Variants in TBC1D32 observed in about 807,000 individuals in gnomAD.
The protein encoded by TBC1D32 is protein broad-minded.
A neutral mutation model predicts 170.3 loss-of-function variants in TBC1D32; 151 were observed. That is an observed-to-expected ratio of 0.89 (90% CI 0.78 to 1.01). The LOEUF is 1.01. Ranked by LOEUF, TBC1D32 falls within the 50% of genes least tolerant of loss-of-function variation. The probability of loss-of-function intolerance (pLI) is 0.00; values close to 1 mark genes in which losing one functional copy is unlikely to be tolerated. For missense variants in TBC1D32, 1,464 were observed against 1,457.1 expected (o/e 1.00, Z -0.08); for synonymous variants, 498 against 488.0 (o/e 1.02, Z -0.27).
chr6:121,158,880 T>C lies in TBC1D32; in HGVS notation c.2773+1130A>G, dbSNP rs1434712533. 2.0e-5 allele frequency among the ~76,000 whole-genome samples: 3 copies of C among 152,178 alleles called. No homozygotes were observed. In the East Asian group the frequency reaches 5.8e-4, roughly 29 times the overall value. The stretch of plus-strand genomic sequence containing the variant: ...TAGCCTAAAAATTCTGTTTGAATTT[T>C]AGTGGCTCATAAGATAATGTCTAAA... On this transcript the variant is annotated intron_variant, in intron 24 of 31. Transcript: ENST00000398212.
At chr6:121,258,979 T>TA (rs201878489) in intron 15 of TBC1D32, among the ~76,000 whole-genome samples, 6,487 of 144,882 alleles carry the variant, frequency 0.045, 145 homozygotes, top group Middle Eastern at 0.058. Flanking sequence ...TCTTTAATAT[T>TA]AAAAAAAAAA....
chr6:121,087,869 A>T lies in TBC1D32; in HGVS notation c.3654+2984T>A, dbSNP rs146524747. On this transcript the variant is annotated intron_variant, in intron 31 of 31. Transcript: ENST00000398212. ...TCTTCTTGGAAGCAATCATTATTAA[A>T]TATGTAGAGCGAGGGGATAATGTGA... is the stretch of plus-strand genomic sequence containing the variant. 1.2e-4 allele frequency among the ~76,000 whole-genome samples: 19 copies of T among 152,222 alleles called. No homozygotes were observed. In the East Asian group the frequency reaches 3.7e-3, roughly 29 times the overall value.
rs146542515 is a variant in TBC1D32 at position 121,178,419 on chromosome 6, A to T, written c.2571-17363T>A. ...TGATTTGTATTTTAATGGGATCACT[A>T]CAGCTGCTATGCACGTAATAGGCTA... On this transcript the variant is annotated intron_variant, in intron 22 of 31. Transcript: ENST00000398212. 1.1e-4 allele frequency among the ~76,000 whole-genome samples: 16 copies of T among 152,268 alleles called. No individual in the cohort carries two copies. The East Asian group carries it at 2.9e-3, about 28-fold the overall frequency.
At chr6:121,172,771 C>A (rs1787226675) in intron 22 of TBC1D32, among the ~76,000 whole-genome samples, 1 of 152,094 alleles carries the variant, frequency 6.6e-6, no homozygotes, top group Non-Finnish European at 1.5e-5. Context: ...TTCCTTTCTC[C>A]TTTATCATGT....
chr6:121,093,381 C>T (rs1777042480), intron 30 of TBC1D32, among the ~76,000 whole-genome samples: 1 of 152,102 alleles, frequency 6.6e-6, no homozygotes, highest in African/African-American at 2.4e-5. Flanking sequence ...TGCCTGTTGC[C>T]CTGCTGCCAA....
At position 121,243,820 on chromosome 6, in the gene TBC1D32, C is replaced by A. The variant is rs1356305377; in HGVS notation, c.2019-1481G>T. On this transcript the variant is annotated intron_variant, in intron 17 of 31. Coordinates refer to ENST00000398212, the MANE Select transcript of TBC1D32 (RefSeq NM_152730.6). ...AGACCAAAAAAAAAACACAGACGCA[C>A]TTCCAATATTTAATGAATTAAGGAG... 2.0e-5 allele frequency among the ~76,000 whole-genome samples: 3 copies of A among 151,094 alleles called. No homozygotes were observed. In the South Asian group the frequency reaches 6.3e-4, roughly 32 times the overall value.
At chr6:121,154,425 T>C (rs1220272208) in intron 24 of TBC1D32, among the ~76,000 whole-genome samples, 1 of 152,250 alleles carries the variant, frequency 6.6e-6, no homozygotes, top group Non-Finnish European at 1.5e-5. Context: ...GGACTGGAGC[T>C]GTTCCTATTA....
At chr6:121,131,811 T>C (rs1781472893) in intron 24 of TBC1D32, 59 bp from the exon 25 acceptor site, 1 of 1,380,018 alleles carries the variant, frequency 7.2e-7, no homozygotes, top group African/African-American at 1.4e-5. Flanking sequence ...TGAAAAATTA[T>C]TAATGTTAAC....
chr6:121,226,259 A>G (rs531821095), intron 20 of TBC1D32, among the ~76,000 whole-genome samples: 1 of 152,264 alleles, frequency 6.6e-6, no homozygotes, highest in South Asian at 2.1e-4. Flanking sequence ...ACACTATTAA[A>G]TCACTTACAA....
intron 30 of TBC1D32, among the ~76,000 whole-genome samples, chr6:121,102,634 C>T (rs1192501906): frequency 2.0e-5 from 3 of 152,052 alleles, no homozygotes; most frequent in Non-Finnish European, 4.4e-5. Flanking sequence ...ACCATAAAAA[C>T]CCTGGAAGAA....
rs143003644 is a variant in TBC1D32 at position 121,111,280 on chromosome 6, T to C, written c.3324+1225A>G. ...TTTACAAAATTATGGTTCAATATGA[T>C]TCACTGGTGATGTTTAGATGGTGTC... On this transcript the variant is annotated intron_variant, in intron 29 of 31. Coordinates refer to ENST00000398212, the MANE Select transcript of TBC1D32 (RefSeq NM_152730.6). Among the ~76,000 whole-genome samples the C allele has an allele frequency of 2.4e-3, 368 of 152,318 alleles. 1 individual carries two copies. The highest frequency in any genetic ancestry group is 8.3e-3 in the African/African-American group (344 of 41,576).
intron 21 of TBC1D32, among the ~76,000 whole-genome samples, chr6:121,219,328 A>C (rs1026042511): frequency 2.6e-5 from 4 of 152,226 alleles, no homozygotes; most frequent in Admixed American, 2.6e-4. Context: ...ATCTTTCTAC[A>C]GGGTTAAAAT....
In TBC1D32 at chr6:121,131,660, T is replaced by C. The variant is rs762140250; in HGVS notation, c.2866A>G (p.Met956Val). ...ENCQRQFCKM[M>V]KAKPDIISGE... ...CTGATTATATCAGGTTTGGCTTTCATCATTTTGCAAAATTGTCTTTGGCAG... is the reference window on the plus strand; with the variant it reads ...CTGATTATATCAGGTTTGGCTTTCACCATTTTGCAAAATTGTCTTTGGCAG... Residue 956 changes from methionine to valine, a missense_variant, in exon 25 of 32, where the codon ATG becomes GTG. By Grantham distance (21) the Met-to-Val change is conservative. Coordinates refer to ENST00000398212, the MANE Select transcript of TBC1D32 (RefSeq NM_152730.6). The C allele has an allele frequency of 1.5e-5, 24 of 1,611,856 alleles. No homozygotes were observed. Among genetic ancestry groups the C allele is most frequent in the Non-Finnish European group, 1.9e-5 (22 of 1,178,894 alleles).
intron 30 of TBC1D32, among the ~76,000 whole-genome samples, chr6:121,103,693 C>A (rs1200753990): frequency 6.6e-6 from 1 of 151,860 alleles, no homozygotes; most frequent in Non-Finnish European, 1.5e-5. Flanking sequence ...TATAACAAAC[C>A]TGCACGTTGT....
Position 121,205,173 on chromosome 6 carries a change from A to G in TBC1D32, c.2482-10T>C, listed in dbSNP as rs528369341. 10 of 1,335,082 alleles carry G rather than the reference A, an allele frequency of 7.5e-6. No individual in the cohort carries two copies. In the African/African-American group the frequency reaches 1.5e-4, roughly 20 times the overall value. The allele number at this position is 1,335,082 out of a possible 1,614,324, so 82.7% of individuals were successfully genotyped here. A position where few individuals can be genotyped will look rare whatever the true frequency, so the allele number is the denominator to read the frequency against. Reference sequence around the variant, plus strand: ...GTCTATCAATAATATCCTGAAAAAGACAGACAAAATGAGACTGTATTTAAC... The same window carrying G: ...GTCTATCAATAATATCCTGAAAAAGGCAGACAAAATGAGACTGTATTTAAC... On this transcript the variant is annotated splice_polypyrimidine_tract_variant and intron_variant, in intron 21 of 31. Transcript: ENST00000398212.
chr6:121,223,433 T>A, intron 20 of TBC1D32, 81 bp from the exon 21 acceptor site: 1 of 919,664 alleles, frequency 1.1e-6, no homozygotes, highest in Middle Eastern at 2.1e-4. Context: ...TAGTTTCCTA[T>A]CTGTATGACT....
chr6:121,161,694 T>C (rs1785683040), intron 22 of TBC1D32, among the ~76,000 whole-genome samples: 1 of 152,198 alleles, frequency 6.6e-6, no homozygotes, highest in South Asian at 2.1e-4. Flanking sequence ...ATTTTGGGTA[T>C]ATACCCAGTA....
At chr6:121,322,726 T>C (rs954390398) in intron 1 of TBC1D32, among the ~76,000 whole-genome samples, 2 of 152,240 alleles carry the variant, frequency 1.3e-5, no homozygotes, top group Non-Finnish European at 2.9e-5. Context: ...TTATCTATCA[T>C]CTGCAATATC....
chr6:121,331,203 T>TGTC (rs1432600492), intron 1 of TBC1D32, among the ~76,000 whole-genome samples: 1 of 151,926 alleles, frequency 6.6e-6, no homozygotes, highest in Admixed American at 6.6e-5. Context: ...GGTTTTTTGT[T>TGTC]GTTGTTGTTG....
Sources: allele counts gnomAD v4.1 joint callset (sites outside exome capture counted in the v4.1 genomes callset), GRCh38; gene constraint gnomAD v4.1.1; transcripts MANE v1.5; gene names NCBI Gene and HGNC (gene_info 2026-07-23, HGNC 2026-07-21).